The following RHPN2 variants were observed in gnomAD, a reference collection of about 807,000 sequenced individuals.
RHPN2 encodes rhophilin-2.
RHPN2 carries 40 observed loss-of-function variants against 79.0 expected under a neutral mutation model. The ratio of observed to expected loss-of-function variants is 0.51; its 90% CI spans 0.39 to 0.66. The LOEUF (loss-of-function observed/expected upper bound fraction) is 0.66. RHPN2 is among the 30% of genes least tolerant of loss of function. The pLI is 0.00. For missense variants in RHPN2, 686 were observed against 883.5 expected (o/e 0.78, Z 2.83); for synonymous variants, 285 against 363.5 (o/e 0.78, Z 2.46).
chr19:33,056,628 C>G (rs1160664619), intron 1 of RHPN2, among the ~76,000 whole-genome samples: 1 of 152,166 alleles, frequency 6.6e-6, no homozygotes, highest in East Asian at 1.9e-4. Context: ...TGCATTTCCA[C>G]TTCTTGAGAA....
intron 2 of RHPN2, among the ~76,000 whole-genome samples, chr19:33,034,026 T>TTTTTTTTTTTTAATTTTAG (rs1555713552): frequency 2.9e-5 from 4 of 138,158 alleles, no homozygotes; most frequent in East Asian, 2.0e-4. Flanking sequence ...TGGCAAAACA[T>TTTTTTTTTTTTAATTTTAG]TTTTTTTTTT....
intron 2 of RHPN2, among the ~76,000 whole-genome samples, chr19:33,039,108 C>T (rs1972080460): frequency 6.6e-6 from 1 of 152,136 alleles, no homozygotes. Context: ...GCAGCTTCAG[C>T]GACCTTATTA....
At chr19:33,044,977 C>T (rs1012397231) in intron 1 of RHPN2, among the ~76,000 whole-genome samples, 1 of 151,874 alleles carries the variant, frequency 6.6e-6, no homozygotes, top group Non-Finnish European at 1.5e-5. Context: ...TGGGCCAGCC[C>T]AATCATCCTC....
At chr19:33,022,787 G>A (rs767158278) in intron 3 of RHPN2, among the ~76,000 whole-genome samples, 5 of 152,198 alleles carry the variant, frequency 3.3e-5, no homozygotes, top group Admixed American at 6.5e-5. Context: ...TGGGCAGGGC[G>A]AGGGGACAAT....
intron 1 of RHPN2, among the ~76,000 whole-genome samples, chr19:33,050,715 G>C (rs906900680): frequency 6.6e-6 from 1 of 151,970 alleles, no homozygotes. Flanking sequence ...TTTCGCTCTT[G>C]TTGCCCGGGC....
At chr19:33,039,886 A>T (rs1972086842) in intron 2 of RHPN2, among the ~76,000 whole-genome samples, 1 of 151,922 alleles carries the variant, frequency 6.6e-6, no homozygotes, top group South Asian at 2.1e-4. Context: ...AACAAAAAAA[A>T]ATTCCTAACT....
rs1362370037 is a variant in RHPN2, at chr19:32,979,208, T to C, written c.*788A>G. ...CTGAATCATTTACATCTTTACTTTATAAAATGTAAAACTACTTTTTTACCC... is the reference window on the plus strand; with the variant it reads ...CTGAATCATTTACATCTTTACTTTACAAAATGTAAAACTACTTTTTTACCC... On this transcript the variant is annotated 3_prime_UTR_variant, in exon 15 of 15. Transcript: ENST00000254260. 2 of 152,360 alleles carry C rather than the reference T, an allele frequency of 1.3e-5. No individual in the cohort carries two copies. Among genetic ancestry groups the C allele is most frequent in the Middle Eastern group, 6.8e-3 (2 of 294 alleles). 9.4% of individuals were successfully genotyped at this position (152,360 alleles called of 1,614,324 possible).
Position 33,021,586 on chromosome 19 carries a change from A to C in RHPN2, c.375T>G (p.Phe125Leu), listed in dbSNP as rs777541967. The C allele has an allele frequency of 6.2e-7, 1 of 1,613,854 alleles. No individual in the cohort carries two copies. Among genetic ancestry groups the C allele is most frequent in the Non-Finnish European group, 8.5e-7 (1 of 1,179,758 alleles). Residue 125 changes from phenylalanine to leucine, a missense_variant, in exon 4 of 15, where the codon TTT becomes TTG. By Grantham distance (22) the Phe-to-Leu change is conservative. Transcript: ENST00000254260. ...TGAGATTTACCTTGAGGACGACTGCAAAGTCGACGTCTTTCGTTTCCTTCA... is the reference window on the plus strand; with the variant it reads ...TGAGATTTACCTTGAGGACGACTGCCAAGTCGACGTCTTTCGTTTCCTTCA... Reference protein sequence around the residue: ...LGLKETKDVDFAVVLKDFILE... With the variant: ...LGLKETKDVDLAVVLKDFILE...
chr19:32,991,967 G>A lies in RHPN2; in HGVS notation c.1500C>T (p.Gly500=), dbSNP rs1232721217. Reference sequence around the variant, plus strand: ...TGTTAGCCGAAAACACAGATAAGGGGCCCTTTGGAAGAGAGCATCGTTAGG... The same window carrying A: ...TGTTAGCCGAAAACACAGATAAGGGACCCTTTGGAAGAGAGCATCGTTAGG... The part of the protein sequence containing the change: ...LTVTDFFQKL[G]PLSVFSANKR... Residue 500 remains glycine, a splice_region_variant and synonymous_variant, in exon 13 of 15, where the codon GGC becomes GGT. Transcript: ENST00000254260. The A allele has an allele frequency of 1.2e-6, 2 of 1,613,872 alleles. No homozygotes were observed. The highest frequency in any genetic ancestry group is 1.1e-5 in the South Asian group (1 of 91,078).
At chr19:33,021,678 AC>A in intron 3 of RHPN2, 32 bp from the exon 4 acceptor site, 1 of 1,568,826 alleles carries the variant, frequency 6.4e-7, no homozygotes, top group Non-Finnish European at 8.8e-7. Flanking sequence ...ATGTATGAAC[AC>A]CCCCAACCGG....
At chr19:33,037,573 C>G (rs1024257412) in intron 2 of RHPN2, among the ~76,000 whole-genome samples, 12 of 152,200 alleles carry the variant, frequency 7.9e-5, no homozygotes, top group South Asian at 2.1e-4. Context: ...AGCTTCACTC[C>G]TGAAGCCAGC....
At chr19:33,060,210 G>C (rs1252456350) in intron 1 of RHPN2, among the ~76,000 whole-genome samples, 1 of 152,136 alleles carries the variant, frequency 6.6e-6, no homozygotes, top group Admixed American at 6.6e-5. Context: ...GCAGTGGCGT[G>C]ATCTCGGCTC....
chr19:33,012,333 C>G (rs1211536560), intron 5 of RHPN2, among the ~76,000 whole-genome samples: 1 of 152,136 alleles, frequency 6.6e-6, no homozygotes, highest in South Asian at 2.1e-4. Flanking sequence ...TGCACCACCA[C>G]GCCCAGCTAA....
Position 33,002,493 on chromosome 19 carries a change from T to C in RHPN2, c.949-90A>G, listed in dbSNP as rs1329997663. ...GAGAAAGAGCCCTTTCTTCTTCCCA[T>C]GCAACAGCCCCTGCCAGGGGCTGCT... On this transcript the variant is annotated intron_variant, in intron 8 of 14. Transcript: ENST00000254260. The C allele has an allele frequency of 7.3e-6, 11 of 1,511,390 alleles. No individual in the cohort carries two copies. The African/African-American group carries it at 1.1e-4, about 15-fold the overall frequency. The allele number at this position is 1,511,390 out of a possible 1,614,324, so 93.6% of individuals were successfully genotyped here.
chr19:33,037,127 G>A (rs989633790), intron 2 of RHPN2, among the ~76,000 whole-genome samples: 12 of 152,218 alleles, frequency 7.9e-5, no homozygotes, highest in Admixed American at 6.5e-4. Context: ...TACACCGATC[G>A]GCACTCTGTA....
intron 1 of RHPN2, among the ~76,000 whole-genome samples, chr19:33,062,588 G>A (rs1490246306): frequency 6.6e-6 from 1 of 151,634 alleles, no homozygotes; most frequent in African/African-American, 2.4e-5. Flanking sequence ...TGGGCAACAC[G>A]GTGAAACCCC....
Position 32,991,814 on chromosome 19 carries a change from T to G in RHPN2, c.1644+9A>C. ...TGTTTGCTGCCAATCAAGAAAAGCATGTGCTTACCGAGGCAGAGCAGTAAG... is the reference window on the plus strand; with the variant it reads ...TGTTTGCTGCCAATCAAGAAAAGCAGGTGCTTACCGAGGCAGAGCAGTAAG... On this transcript the variant is annotated intron_variant, in intron 13 of 14. Transcript: ENST00000254260. 1 of 1,613,914 alleles carries G rather than the reference T, an allele frequency of 6.2e-7. No individual in the cohort carries two copies. Among genetic ancestry groups the G allele is most frequent in the Non-Finnish European group, 8.5e-7 (1 of 1,179,854 alleles).
intron 4 of RHPN2, among the ~76,000 whole-genome samples, chr19:33,020,542 G>A (rs1378343436): frequency 6.7e-6 from 1 of 150,262 alleles, no homozygotes; most frequent in Non-Finnish European, 1.5e-5. Flanking sequence ...CGCCCAGGCT[G>A]GAGGGCAGTG....
At position 33,026,495 on chromosome 19, in the gene RHPN2, C is replaced by G; in HGVS notation, c.314+9G>C. ...AGAGGCTTTTGGAAGGTGTGCTGCT[C>G]CCACTTACTCTGTGTTCTGATAGAC... On this transcript the variant is annotated intron_variant, in intron 3 of 14. Transcript: ENST00000254260. 1 of 1,607,592 alleles carries G rather than the reference C, an allele frequency of 6.2e-7. No individual in the cohort carries two copies. Among genetic ancestry groups the G allele is most frequent in the South Asian group, 1.1e-5 (1 of 91,028 alleles).
Sources: allele counts gnomAD v4.1 joint callset (sites outside exome capture counted in the v4.1 genomes callset), GRCh38; gene constraint gnomAD v4.1.1; transcripts MANE v1.5; gene names NCBI Gene and HGNC (gene_info 2026-07-23, HGNC 2026-07-21).